Variants in IFT43 observed in about 807,000 individuals in gnomAD.
The protein encoded by IFT43 is intraflagellar transport 43.
A neutral mutation model predicts 32.3 loss-of-function variants in IFT43; 33 were observed. The observed-to-expected ratio is 1.02, with a 90% confidence interval of 0.77 to 1.37. The LOEUF is 1.37. Among genes scored for constraint, IFT43 ranks in the 40% most tolerant of loss-of-function variants. The pLI, the probability that IFT43 is intolerant of heterozygous loss-of-function variation, is 0.00. For missense variants in IFT43, 274 were observed against 265.9 expected, an observed-to-expected ratio of 1.03 and a Z score of -0.21; for synonymous variants, 93 against 98.2, an observed-to-expected ratio of 0.95 and a Z score of 0.31.
chr14:76,005,894 CAATT>C (rs1214548268), intron 2 of IFT43, among the ~76,000 whole-genome samples: 1 of 151,790 alleles, frequency 6.6e-6, no homozygotes, highest in Non-Finnish European at 1.5e-5. Context: ...ATCTGTGTGA[CAATT>C]AGTTGAATAC....
chr14:75,998,452 C>T (rs1480302070), intron 2 of IFT43, among the ~76,000 whole-genome samples: 9 of 152,148 alleles, frequency 5.9e-5, no homozygotes, highest in South Asian at 2.1e-4. Context: ...GGGCTTCTGA[C>T]GGAAGTGGAC....
chr14:75,999,277 ATATAT>A (rs1223814223), intron 2 of IFT43, among the ~76,000 whole-genome samples: 5 of 18,698 alleles, frequency 2.7e-4, no homozygotes, highest in Admixed American at 6.9e-4. Flanking sequence ...ATATATGTAT[ATATAT>A]TTTTTTTTTT....
chr14:76,027,184 C>T (rs1040303229), intron 3 of IFT43, among the ~76,000 whole-genome samples: 1 of 152,098 alleles, frequency 6.6e-6, no homozygotes, highest in African/African-American at 2.4e-5. Flanking sequence ...ACCCCTGTGA[C>T]ACAAGTTTAC....
At chr14:75,999,253 ATATATATATATATATATATG>A (rs1347873333) in intron 2 of IFT43, among the ~76,000 whole-genome samples, 31 of 10,638 alleles carry the variant, frequency 2.9e-3, no homozygotes, top group African/African-American at 4.7e-3. Context: ...ATATATATAT[ATATATATATATATATATATG>A]TATATATATT....
chr14:76,003,675 G>T (rs1248629978), intron 2 of IFT43, among the ~76,000 whole-genome samples: 2 of 151,716 alleles, frequency 1.3e-5, no homozygotes, highest in African/African-American at 4.8e-5. Context: ...TGAGACCCTT[G>T]CAGCCATTAA....
chr14:76,071,747 A>T (rs2037324595), intron 5 of IFT43, among the ~76,000 whole-genome samples: 1 of 152,218 alleles, frequency 6.6e-6, no homozygotes, highest in Non-Finnish European at 1.5e-5. Context: ...TTTAATTATA[A>T]GAATGTATAA....
At chr14:76,000,070 C>T (rs1220415574) in intron 2 of IFT43, among the ~76,000 whole-genome samples, 1 of 152,124 alleles carries the variant, frequency 6.6e-6, no homozygotes, top group Non-Finnish European at 1.5e-5. Flanking sequence ...AAACTTCAGG[C>T]GTTTCCCCAT....
At chr14:76,071,486 G>T (rs1010443711) in intron 5 of IFT43, among the ~76,000 whole-genome samples, 1 of 152,112 alleles carries the variant, frequency 6.6e-6, no homozygotes, top group Non-Finnish European at 1.5e-5. Flanking sequence ...GCGGGGAAAG[G>T]TCCTGACTGG....
intron 5 of IFT43, among the ~76,000 whole-genome samples, chr14:76,075,692 C>T (rs1347532830): frequency 6.6e-6 from 1 of 152,134 alleles, no homozygotes; most frequent in Admixed American, 6.5e-5. Flanking sequence ...GAATATGAAA[C>T]GCCCATGATG....
At chr14:76,010,904 C>CTTT (rs759636307) in intron 2 of IFT43, among the ~76,000 whole-genome samples, 7 of 140,004 alleles carry the variant, frequency 5.0e-5, no homozygotes, top group Non-Finnish European at 9.4e-5. Context: ...CTCACTTCTC[C>CTTT]TTTTTTTTTT....
At chr14:76,058,485 G>T in intron 3 of IFT43, 157 bp from the exon 4 acceptor site, 1 of 739,880 alleles carries the variant, frequency 1.4e-6, no homozygotes. Context: ...GTTCTCTCAT[G>T]CTGGTTGTGG....
In IFT43 at chr14:76,083,125, G is replaced by A. The variant is rs1025789447; in HGVS notation, c.445-102G>A. On this transcript the variant is annotated intron_variant, in intron 7 of 8. Coordinates refer to ENST00000314067, the MANE Select transcript of IFT43 (RefSeq NM_001102564.3). The stretch of plus-strand genomic sequence containing the variant: ...AAGGCATTCCTGCAGGTCTCAGTTT[G>A]GGAAGTTCTGACACACAAAAACTGA... 8 of 1,222,556 alleles carry A rather than the reference G, an allele frequency of 6.5e-6. No homozygotes were observed. The Admixed American group carries it at 1.4e-4, about 22-fold the overall frequency. 75.7% of individuals were successfully genotyped at this position (1,222,556 alleles called of 1,614,324 possible). A position where few individuals can be genotyped will look rare whatever the true frequency, so the allele number is the denominator to read the frequency against.
At chr14:76,024,550 A>C (rs1434600687) in intron 3 of IFT43, among the ~76,000 whole-genome samples, 1 of 152,242 alleles carries the variant, frequency 6.6e-6, no homozygotes. Context: ...CTGAGTCTTG[A>C]ACACATAGGA....
chr14:76,072,275 T>C (rs1393454770), intron 5 of IFT43, among the ~76,000 whole-genome samples: 2 of 152,142 alleles, frequency 1.3e-5, no homozygotes, highest in Non-Finnish European at 2.9e-5. Flanking sequence ...TTCACTGGGC[T>C]TGTACAGATT....
chr14:76,032,456 A>C (rs1347640393), intron 3 of IFT43, among the ~76,000 whole-genome samples: 1 of 152,166 alleles, frequency 6.6e-6, no homozygotes, highest in East Asian at 1.9e-4. Flanking sequence ...ACAAGGTCCT[A>C]CCTTACCTCA....
intron 5 of IFT43, among the ~76,000 whole-genome samples, chr14:76,060,987 C>T (rs561594210): frequency 2.6e-5 from 4 of 151,788 alleles, no homozygotes; most frequent in Non-Finnish European, 5.9e-5. Context: ...CTGCAACCTC[C>T]ACCTCCTGGG....
intron 2 of IFT43, among the ~76,000 whole-genome samples, chr14:75,999,278 TATA>T (rs1339087883): frequency 2.3e-3 from 55 of 23,646 alleles, no homozygotes; most frequent in Middle Eastern, 0.02. Context: ...TATATGTATA[TATA>T]TTTTTTTTTT....
intron 5 of IFT43, chr14:76,076,529 G>C: frequency 6.2e-7 from 1 of 1,602,650 alleles, no homozygotes; most frequent in Non-Finnish European, 8.5e-7. Flanking sequence ...CAGGTGAAGA[G>C]CTGGGTAGTG....
chr14:76,035,363 AC>A (rs2036579700), intron 3 of IFT43, among the ~76,000 whole-genome samples: 1 of 152,116 alleles, frequency 6.6e-6, no homozygotes, highest in South Asian at 2.1e-4. Flanking sequence ...CCACTTCCAC[AC>A]CATCTGCACG....
Sources: gnomAD v4.1 joint callset for allele counts (sites outside exome capture counted in the v4.1 genomes callset) on GRCh38, gnomAD v4.1.1 for gene constraint, MANE v1.5 for transcripts, NCBI Gene and HGNC (gene_info 2026-07-23, HGNC 2026-07-21) for gene names.